Variants in PAFAH1B2 observed in about 807,000 individuals in gnomAD.
PAFAH1B2 encodes the protein platelet activating factor acetylhydrolase 1b catalytic subunit 2.
In PAFAH1B2, 8 loss-of-function variants were observed where a neutral mutation model predicts 28.0. That is an observed-to-expected ratio of 0.29 (90% CI 0.17 to 0.52). The LOEUF (loss-of-function observed/expected upper bound fraction) is 0.52, where lower values mean the gene tolerates loss of function less well. PAFAH1B2 is among the 20% of genes least tolerant of loss of function. The pLI is 0.97. For synonymous variants in PAFAH1B2, 104 were observed against 103.2 expected, an observed-to-expected ratio of 1.01 and a Z score of -0.05; for missense variants, 190 against 282.6, an observed-to-expected ratio of 0.67 and a Z score of 2.35.
intron 2 of PAFAH1B2, among the ~76,000 whole-genome samples, chr11:117,154,325 A>C (rs1956217366): frequency 6.6e-6 from 1 of 152,216 alleles, no homozygotes; most frequent in African/African-American, 2.4e-5. Flanking sequence ...GTAGTAACTA[A>C]ACTAGATATC....
chr11:117,170,134 T>A lies in PAFAH1B2; in HGVS notation c.*2435T>A, dbSNP rs1478532283. 3.8e-6 allele frequency: 4 copies of A among 1,053,170 alleles called. No homozygotes were observed. Among genetic ancestry groups the A allele is most frequent in the Non-Finnish European group, 4.6e-6 (4 of 871,328 alleles). The allele number at this position is 1,053,170 out of a possible 1,614,324, so 65.2% of individuals were successfully genotyped here. On this transcript the variant is annotated 3_prime_UTR_variant, in exon 6 of 6. Transcript: ENST00000527958. ...TTTGCACTACTTTAGGTAAAAATAG[T>A]TAATCTATTTTTCTTTGACATCCTA... is the stretch of plus-strand genomic sequence containing the variant.
At chr11:117,173,607 A>G (rs1338673876), downstream of PAFAH1B2, among the ~76,000 whole-genome samples, 1 of 152,210 alleles carries the variant, frequency 6.6e-6, no homozygotes, top group Non-Finnish European at 1.5e-5. Flanking sequence ...AACAGGCCTG[A>G]GCCACCGCAG....
rs1434122366 is a variant in PAFAH1B2 at position 117,170,947 on chromosome 11, T to C, written c.*3248T>C. ...GCTGCTAGCTGACTGGACCTCCCCA[T>C]TGGAAGTTTGTGATTTTGCTTTGGC... On this transcript the variant is annotated 3_prime_UTR_variant, in exon 6 of 6. Transcript: ENST00000527958. 2.6e-5 allele frequency: 27 copies of C among 1,055,220 alleles called. No individual in the cohort carries two copies. In the South Asian group the frequency reaches 2.7e-4, roughly 11 times the overall value. The allele number at this position is 1,055,220 out of a possible 1,614,324, so 65.4% of individuals were successfully genotyped here. A position where few individuals can be genotyped will look rare whatever the true frequency, so the allele number is the denominator to read the frequency against.
downstream of PAFAH1B2, chr11:117,175,737 C>T (rs2029941821): frequency 4.6e-6 from 5 of 1,084,370 alleles, no homozygotes; most frequent in Admixed American, 6.1e-5. Flanking sequence ...TCTGGATGTG[C>T]GTTTAAAACA....
At chr11:117,167,073 G>A (rs1434299878) in intron 5 of PAFAH1B2, among the ~76,000 whole-genome samples, 1 of 152,132 alleles carries the variant, frequency 6.6e-6, no homozygotes, top group Non-Finnish European at 1.5e-5. Context: ...ATTGCTTTTG[G>A]ATCAGTTGGG....
At chr11:117,151,056 A>G (rs985262184) in intron 1 of PAFAH1B2, among the ~76,000 whole-genome samples, 72 of 150,756 alleles carry the variant, frequency 4.8e-4, no homozygotes, top group African/African-American at 1.6e-3. Context: ...TTTCCTTTTC[A>G]TAGTCCTTTG....
At chr11:117,154,226 A>G (rs563852443) in intron 2 of PAFAH1B2, among the ~76,000 whole-genome samples, 2 of 152,138 alleles carry the variant, frequency 1.3e-5, no homozygotes, top group East Asian at 3.9e-4. Flanking sequence ...AGTGACTCAC[A>G]CCTGTAATCT....
At chr11:117,175,508 G>A (rs1051510525), downstream of PAFAH1B2, 23 of 1,096,420 alleles carry the variant, frequency 2.1e-5, no homozygotes, top group African/African-American at 3.7e-4. Context: ...TTGAGACCTT[G>A]CAAAAGGGAA....
rs1956619193 is a variant in PAFAH1B2 at position 117,170,234 on chromosome 11, A to G, written c.*2535A>G. 8 of 1,060,944 alleles carry G rather than the reference A, an allele frequency of 7.5e-6. No homozygotes were observed. Among genetic ancestry groups the G allele is most frequent in the Non-Finnish European group, 8.0e-6 (7 of 876,736 alleles). The allele number at this position is 1,060,944 out of a possible 1,614,324, so 65.7% of individuals were successfully genotyped here. On this transcript the variant is annotated 3_prime_UTR_variant, in exon 6 of 6. Transcript: ENST00000527958. The stretch of plus-strand genomic sequence containing the variant: ...AATCTATAAATTTAATGCACTGTCC[A>G]AGTGAAATGTCCTAGTTGTCATTGT...
exon 6 of PAFAH1B2, chr11:117,176,174 G>C (rs547902024): frequency 2.5e-4 from 131 of 517,858 alleles, no homozygotes; most frequent in Middle Eastern, 1.2e-3. Context: ...GTATAATGAG[G>C]GGTTGGCCAA....
intron 4 of PAFAH1B2, among the ~76,000 whole-genome samples, chr11:117,163,542 A>G (rs1298665185): frequency 6.6e-6 from 1 of 152,080 alleles, no homozygotes; most frequent in African/African-American, 2.4e-5. Context: ...GCGTGGCGGC[A>G]CATGCCTGTA....
At chr11:117,174,992 C>A (rs751877912), downstream of PAFAH1B2, 5 of 1,458,082 alleles carry the variant, frequency 3.4e-6, no homozygotes, top group South Asian at 2.8e-5. Flanking sequence ...CTTCATAAAT[C>A]CCCTGTGACT....
intron 1 of PAFAH1B2, among the ~76,000 whole-genome samples, chr11:117,149,272 G>A (rs936053700): frequency 2.0e-5 from 3 of 151,014 alleles, no homozygotes; most frequent in African/African-American, 4.9e-5. Flanking sequence ...TTGTAGAGAC[G>A]GGGTCTCATT....
Position 117,170,620 on chromosome 11 carries a change from T to C in PAFAH1B2, c.*2921T>C. 9.7e-7 allele frequency: 1 copy of C among 1,029,372 alleles called. No homozygotes were observed. The highest frequency in any genetic ancestry group is 1.2e-6 in the Non-Finnish European group (1 of 865,778). The allele number at this position is 1,029,372 out of a possible 1,614,324, so 63.8% of individuals were successfully genotyped here. A position where few individuals can be genotyped will look rare whatever the true frequency, so the allele number is the denominator to read the frequency against. ...TCATGCCCGGCTCTTAGGAATTTTGTCTGTTTAAAAAAAAAAAAAAAAAAA... is the reference window on the plus strand; with the variant it reads ...TCATGCCCGGCTCTTAGGAATTTTGCCTGTTTAAAAAAAAAAAAAAAAAAA... On this transcript the variant is annotated 3_prime_UTR_variant, in exon 6 of 6. Transcript: ENST00000527958.
rs1293214160 is a variant in PAFAH1B2 at position 117,144,340 on chromosome 11, C to T, written c.-86C>T. The T allele has an allele frequency of 1.4e-5, 6 of 416,160 alleles. No individual in the cohort carries two copies. The highest frequency in any genetic ancestry group is 3.3e-5 in the South Asian group (2 of 61,022). The allele number at this position is 416,160 out of a possible 1,614,324, so 25.8% of individuals were successfully genotyped here. On this transcript the variant is annotated 5_prime_UTR_variant, in exon 1 of 6. Coordinates refer to ENST00000527958, the MANE Select transcript of PAFAH1B2 (RefSeq NM_002572.4). ...GAGGAGGGACGCGCCGGAGCGGGAC[C>T]GACGGGACCGAGCGAGCGACCGACG...
intron 2 of PAFAH1B2, among the ~76,000 whole-genome samples, chr11:117,154,290 C>A (rs1018829548): frequency 6.6e-6 from 1 of 151,462 alleles, no homozygotes; most frequent in African/African-American, 2.4e-5. Context: ...GAGTTCAAGA[C>A]GAAGGAAAGG....
Position 117,145,172 on chromosome 11 carries a change from G to A in PAFAH1B2, c.-8+754G>A, listed in dbSNP as rs760309273. Among the ~76,000 whole-genome samples, 192 of 152,236 alleles carry A rather than the reference G, an allele frequency of 1.3e-3. 1 individual carries two copies. Among genetic ancestry groups the A allele is most frequent in the South Asian group, 3.1e-3 (15 of 4,832 alleles). On this transcript the variant is annotated intron_variant, in intron 1 of 5. Coordinates refer to ENST00000527958, the MANE Select transcript of PAFAH1B2 (RefSeq NM_002572.4). ...GCTAGATAAACCTGTCAGCGGAGAG[G>A]TTTGGGGGGATGTTTTTTTCCTGGC...
rs1241760681 is a variant in PAFAH1B2 at position 117,170,128 on chromosome 11, AAATAGTTAATCTATTTTTCTTTG to A, written c.*2431_*2453del. 9.5e-7 allele frequency: 1 copy of A among 1,054,856 alleles called. No homozygotes were observed. The highest frequency in any genetic ancestry group is 1.1e-6 in the Non-Finnish European group (1 of 872,916). 65.3% of individuals were successfully genotyped at this position (1,054,856 alleles called of 1,614,324 possible). A position where few individuals can be genotyped will look rare whatever the true frequency, so the allele number is the denominator to read the frequency against. Reference sequence around the variant, plus strand: ...GATTTCTTTGCACTACTTTAGGTAAAAATAGTTAATCTATTTTTCTTTGACATCCTAGTTTGCGTCAGTGACAG... The same window carrying A: ...GATTTCTTTGCACTACTTTAGGTAAAACATCCTAGTTTGCGTCAGTGACAG... On this transcript the variant is annotated 3_prime_UTR_variant, in exon 6 of 6. Transcript: ENST00000527958.
chr11:117,172,398 ATATATATTTTTTTTTTTTTTT>A (rs1473192355), downstream of PAFAH1B2, among the ~76,000 whole-genome samples: 10 of 2,826 alleles, frequency 3.5e-3, no homozygotes, highest in Admixed American at 5.0e-3. Flanking sequence ...ATATATATAT[ATATATATTTTTTTTTTTTTTT>A]TTTTTTTTTT....
Sources: allele counts gnomAD v4.1 joint callset (sites outside exome capture counted in the v4.1 genomes callset), GRCh38; gene constraint gnomAD v4.1.1; transcripts MANE v1.5; gene names NCBI Gene and HGNC (gene_info 2026-07-23, HGNC 2026-07-21).